Variants in PA2G4 observed in about 807,000 individuals in gnomAD.
PA2G4 encodes proliferation-associated protein 2G4.
A neutral mutation model predicts 53.3 loss-of-function variants in PA2G4; 8 were observed. The observed-to-expected ratio is 0.15, with a 90% confidence interval of 0.09 to 0.27. PA2G4 has a LOEUF of 0.27. Ranked by LOEUF, PA2G4 falls within the 10% of genes least tolerant of loss-of-function variation. PA2G4 has a pLI of 1.00. For synonymous variants in PA2G4, 143 were observed against 169.8 expected, an observed-to-expected ratio of 0.84 and a Z score of 1.23; for missense variants, 208 against 486.8, an observed-to-expected ratio of 0.43 and a Z score of 5.39.
rs778487871 is a variant in PA2G4 at position 56,111,175 on chromosome 12, GC to G, written c.938-5del. ...TTTATCAAAACACATCTTCATTTTT[GC>G]CATAGGTGAATTTGTTGCCCAGTTT... On this transcript the variant is annotated splice_polypyrimidine_tract_variant and splice_region_variant and intron_variant, in intron 10 of 12. Coordinates refer to ENST00000303305, the MANE Select transcript of PA2G4 (RefSeq NM_006191.3). 8.1e-6 allele frequency: 13 copies of G among 1,614,014 alleles called. No individual in the cohort carries two copies. Among genetic ancestry groups the G allele is most frequent in the Non-Finnish European group, 8.5e-7 (1 of 1,180,006 alleles).
Position 56,112,999 on chromosome 12 carries a change from G to A in PA2G4, c.*111G>A. 1.5e-6 allele frequency: 1 copy of A among 652,578 alleles called. No homozygotes were observed. The highest frequency in any genetic ancestry group is 2.5e-6 in the Non-Finnish European group (1 of 400,620). The allele number at this position is 652,578 out of a possible 1,614,324, so 40.4% of individuals were successfully genotyped here. On this transcript the variant is annotated 3_prime_UTR_variant, in exon 13 of 13. Coordinates refer to ENST00000303305, the MANE Select transcript of PA2G4 (RefSeq NM_006191.3). ...ACCTAGGACCGCCAGCAGAGCGGGG[G>A]GATCTCCCTGCCCCCACCCCAGTTC...
chr12:56,111,405 T>C, intron 11 of PA2G4, 71 bp from the exon 12 acceptor site: 2 of 1,604,464 alleles, frequency 1.2e-6, no homozygotes, highest in Non-Finnish European at 1.7e-6. Context: ...GCTGCAGTAC[T>C]GAAAGTAACC....
Position 56,104,694 on chromosome 12 carries a change from C to A in PA2G4, c.-44C>A. On this transcript the variant is annotated 5_prime_UTR_variant, in exon 1 of 13. Transcript: ENST00000303305. ...TGGCTGGGAAGGGAGACAGAGGCGG[C>A]GGCGGCTCAGGGGAAACGAGGCTGC... 6.5e-7 allele frequency: 1 copy of A among 1,536,360 alleles called. No individual in the cohort carries two copies. Among genetic ancestry groups the A allele is most frequent in the Non-Finnish European group, 9.0e-7 (1 of 1,109,366 alleles).
At chr12:56,107,399 G>T (rs966562411) in intron 4 of PA2G4, 122 bp from the exon 5 acceptor site, 42 of 1,004,684 alleles carry the variant, frequency 4.2e-5, no homozygotes, top group Admixed American at 7.1e-5. Flanking sequence ...TGTTGTTGTT[G>T]TTGTTTTTAC....
chr12:56,105,017 C>CTA, intron 1 of PA2G4, 192 bp downstream of exon 1: 2 of 710,694 alleles, frequency 2.8e-6, no homozygotes, highest in Non-Finnish European at 5.1e-6. Flanking sequence ...AGGCTGAAGT[C>CTA]TATGGAGGTG....
Position 56,107,196 on chromosome 12 carries a change from G to C in PA2G4, c.333G>C (p.Gly111=), listed in dbSNP as rs1283842407. 6.2e-7 allele frequency: 1 copy of C among 1,613,686 alleles called. No individual in the cohort carries two copies. The highest frequency in any genetic ancestry group is 1.7e-5 in the Admixed American group (1 of 60,008). Reference sequence around the variant, plus strand: ...TGATCTTGCCTTTCAGTGACCTTGGGGTCCATGTGGATGGCTTCATCGCTA... The same window carrying C: ...TGATCTTGCCTTTCAGTGACCTTGGCGTCCATGTGGATGGCTTCATCGCTA... ...KEGDLVKIDL[G]VHVDGFIANV... is the part of the protein sequence containing the mutation. Residue 111 remains glycine, a synonymous_variant, in exon 4 of 13, where the codon GGG becomes GGC. Transcript: ENST00000303305.
At position 56,113,122 on chromosome 12, in the gene PA2G4, A is replaced by G. The variant is rs1443881199; in HGVS notation, c.*234A>G. 2.0e-5 allele frequency: 8 copies of G among 393,788 alleles called. No individual in the cohort carries two copies. The highest frequency in any genetic ancestry group is 4.5e-6 in the Non-Finnish European group (1 of 222,576). The allele number at this position is 393,788 out of a possible 1,614,324, so 24.4% of individuals were successfully genotyped here. A position where few individuals can be genotyped will look rare whatever the true frequency, so the allele number is the denominator to read the frequency against. Reference sequence around the variant, plus strand: ...CGGAAGACTACTTTAAATGAAAAAAAGAAATTGAATAATAAAATCAGGAGT... The same window carrying G: ...CGGAAGACTACTTTAAATGAAAAAAGGAAATTGAATAATAAAATCAGGAGT... On this transcript the variant is annotated 3_prime_UTR_variant, in exon 13 of 13. Transcript: ENST00000303305.
chr12:56,105,204 G>A (rs778846322), intron 1 of PA2G4: 6 of 471,554 alleles, frequency 1.3e-5, no homozygotes, highest in African/African-American at 5.9e-5. Flanking sequence ...AGCTATTGGC[G>A]ACAGAAGTGC....
At chr12:56,110,535 A>G (rs1489986990) in intron 8 of PA2G4, 24 bp from the exon 9 acceptor site, 1 of 1,614,072 alleles carries the variant, frequency 6.2e-7, no homozygotes, top group Non-Finnish European at 8.5e-7. Context: ...ACCAGACCAA[A>G]TGTTACTTAA....
intron 6 of PA2G4, 47 bp downstream of exon 6, chr12:56,109,340 C>T: frequency 2.7e-6 from 4 of 1,455,828 alleles, no homozygotes; most frequent in Non-Finnish European, 3.8e-6. Flanking sequence ...AGTGGCTTTG[C>T]CAGGTGCGGT....
rs181435647 is a variant in PA2G4, at chr12:56,111,878, T to C, written c.1119+349T>C. Among the ~76,000 whole-genome samples the C allele has an allele frequency of 8.5e-4, 129 of 151,146 alleles. 3 individuals are homozygous for C. In the East Asian group the frequency reaches 0.012, roughly 14 times the overall value. On this transcript the variant is annotated intron_variant, in intron 12 of 12. Coordinates refer to ENST00000303305, the MANE Select transcript of PA2G4 (RefSeq NM_006191.3). ...CTGTAATCCCAGCACTTTGGGAGGC[T>C]AAGGCGGATGGATCACCTGAGGTCA... is the stretch of plus-strand genomic sequence containing the variant.
intron 6 of PA2G4, 111 bp from the exon 7 acceptor site, chr12:56,109,746 T>C: frequency 1.3e-6 from 1 of 742,972 alleles, no homozygotes; most frequent in East Asian, 2.5e-5. Flanking sequence ...TGTGTTTCCA[T>C]AACCAGGTAG....
chr12:56,109,074 CA>C (rs1418299907), intron 5 of PA2G4, among the ~76,000 whole-genome samples, 155 bp from the exon 6 acceptor site: 2 of 140,468 alleles, frequency 1.4e-5, no homozygotes, highest in African/African-American at 5.3e-5. Flanking sequence ...TGCAGTGAGC[CA>C]AGATCACGCC....
intron 1 of PA2G4, chr12:56,105,217 C>A (rs935122565): frequency 2.2e-6 from 1 of 448,964 alleles, no homozygotes; most frequent in East Asian, 6.5e-5. Context: ...AGAAGTGCCC[C>A]TCTGTTTTTG....
Position 56,113,247 on chromosome 12 carries a change from C to T in PA2G4, c.*359C>T, listed in dbSNP as rs1869469654. On this transcript the variant is annotated 3_prime_UTR_variant, in exon 13 of 13. Coordinates refer to ENST00000303305, the MANE Select transcript of PA2G4 (RefSeq NM_006191.3). ...CTACAGAACAGGGCTAAATTAGCCACCACCACTGAAAACTCAGCCGAATTT... is the reference window on the plus strand; with the variant it reads ...CTACAGAACAGGGCTAAATTAGCCATCACCACTGAAAACTCAGCCGAATTT... The T allele has an allele frequency of 5.4e-6, 1 of 183,686 alleles. No homozygotes were observed. The highest frequency in any genetic ancestry group is 1.1e-5 in the Non-Finnish European group (1 of 89,450). 11.4% of individuals were successfully genotyped at this position (183,686 alleles called of 1,614,324 possible).
chr12:56,106,919 C>G (rs1442320131), intron 2 of PA2G4, 71 bp from the exon 3 acceptor site: 3 of 1,367,834 alleles, frequency 2.2e-6, no homozygotes, highest in African/African-American at 2.9e-5. Context: ...AAAAATCCTT[C>G]TACATTTCTG....
At chr12:56,104,846 C>A in intron 1 of PA2G4, 21 bp downstream of exon 1, 1 of 1,600,430 alleles carries the variant, frequency 6.2e-7, no homozygotes, top group Non-Finnish European at 8.6e-7. Flanking sequence ...CCTCGGGGGT[C>A]GGGGAATCAA....
chr12:56,113,015 A>G lies in PA2G4; in HGVS notation c.*127A>G. The G allele has an allele frequency of 1.7e-6, 1 of 573,076 alleles. No homozygotes were observed. The allele number at this position is 573,076 out of a possible 1,614,324, so 35.5% of individuals were successfully genotyped here. A position where few individuals can be genotyped will look rare whatever the true frequency, so the allele number is the denominator to read the frequency against. On this transcript the variant is annotated 3_prime_UTR_variant, in exon 13 of 13. Coordinates refer to ENST00000303305, the MANE Select transcript of PA2G4 (RefSeq NM_006191.3). Reference sequence around the variant, plus strand: ...AGAGCGGGGGGATCTCCCTGCCCCCACCCCAGTTCCCCAACCCACTCCCTT... The same window carrying G: ...AGAGCGGGGGGATCTCCCTGCCCCCGCCCCAGTTCCCCAACCCACTCCCTT...
chr12:56,109,170 C>A, intron 5 of PA2G4, 60 bp from the exon 6 acceptor site: 2 of 1,016,252 alleles, frequency 2.0e-6, no homozygotes, highest in Non-Finnish European at 3.1e-6. Context: ...TTCTTATTCT[C>A]ATTGTAGAGA....
Sources: gnomAD v4.1 joint callset for allele counts (sites outside exome capture counted in the v4.1 genomes callset) on GRCh38, gnomAD v4.1.1 for gene constraint, MANE v1.5 for transcripts, NCBI Gene and HGNC (gene_info 2026-07-23, HGNC 2026-07-21) for gene names.